The following INPP5F variants were observed in gnomAD, a reference collection of about 807,000 sequenced individuals.
The protein encoded by INPP5F is phosphatidylinositide 4-phosphatase SAC2.
Under a neutral mutation model 137.2 loss-of-function variants are expected in INPP5F, and 97 were observed. The observed-to-expected ratio is 0.71, with a 90% CI of 0.60 to 0.84. The LOEUF (loss-of-function observed/expected upper bound fraction) is 0.84, where lower values mean the gene tolerates loss of function less well. INPP5F is among the 40% of genes least tolerant of loss of function. The probability of loss-of-function intolerance (pLI) is 0.00; values close to 1 mark genes in which losing one functional copy is unlikely to be tolerated. For missense variants in INPP5F, 1,271 were observed against 1,371.9 expected (o/e 0.93, Z 1.16); for synonymous variants, 504 against 476.9 (o/e 1.06, Z -0.74).
In INPP5F at chr10:119,819,933, G is replaced by A. The variant is rs180978937; in HGVS notation, c.1887-913G>A. On this transcript the variant is annotated intron_variant, in intron 15 of 19. Coordinates refer to ENST00000650623, the MANE Select transcript of INPP5F (RefSeq NM_014937.4). Reference sequence around the variant, plus strand: ...TATTATTTTCTGCTTGTTATTAGTAGCATTTTGATAAGGTCTAGGGAATAG... The same window carrying A: ...TATTATTTTCTGCTTGTTATTAGTAACATTTTGATAAGGTCTAGGGAATAG... 29 of 156,258 alleles carry A rather than the reference G, an allele frequency of 1.9e-4. No homozygotes were observed. The South Asian group carries it at 3.7e-3, about 20-fold the overall frequency. The allele number at this position is 156,258 out of a possible 1,614,324, so 9.7% of individuals were successfully genotyped here.
intron 19 of INPP5F, among the ~76,000 whole-genome samples, chr10:119,825,001 C>A (rs1028648994): frequency 6.6e-6 from 1 of 152,180 alleles, no homozygotes; most frequent in Non-Finnish European, 1.5e-5. Context: ...CTCTGAGACT[C>A]CTGGTTCTAT....
At chr10:119,799,656 C>T (rs1404094915) in intron 9 of INPP5F, among the ~76,000 whole-genome samples, 1 of 152,152 alleles carries the variant, frequency 6.6e-6, no homozygotes, top group South Asian at 2.1e-4. Flanking sequence ...TTGGTACAGC[C>T]ATTTTGAAGG....
At chr10:119,744,334 A>AAC (rs1205821775) in intron 1 of INPP5F, among the ~76,000 whole-genome samples, 1 of 152,184 alleles carries the variant, frequency 6.6e-6, no homozygotes, top group African/African-American at 2.4e-5. Context: ...CCCTTGCTAA[A>AAC]ACAAAGACGA....
At position 119,826,770 on chromosome 10, in the gene INPP5F, A is replaced by T. The variant is rs1180368678; in HGVS notation, c.2389A>T (p.Ile797Phe). 1.2e-6 allele frequency: 2 copies of T among 1,613,868 alleles called. No homozygotes were observed. Among genetic ancestry groups the T allele is most frequent in the Non-Finnish European group, 1.7e-6 (2 of 1,179,994 alleles). The change falls in exon 20 of 20, where the codon ATT becomes TTT. Residue 797 changes from isoleucine (I) to phenylalanine (F), a missense_variant. Physicochemically the swap from Ile to Phe is conservative, Grantham distance 21 (BLOSUM62 0). Transcript: ENST00000650623. ...GAAGCAGACCAAATCCAATGTAAATATTGGCAACCTCCGAAAGCTAGGAAA... is the reference window on the plus strand; with the variant it reads ...GAAGCAGACCAAATCCAATGTAAATTTTGGCAACCTCCGAAAGCTAGGAAA... Reference protein sequence around the residue: ...KVKQTKSNVNIGNLRKLGNFT... With the variant: ...KVKQTKSNVNFGNLRKLGNFT...
chr10:119,814,845 T>C (rs1851199027), intron 15 of INPP5F, among the ~76,000 whole-genome samples: 1 of 152,106 alleles, frequency 6.6e-6, no homozygotes, highest in Non-Finnish European at 1.5e-5. Flanking sequence ...TTTAGTTGTA[T>C]GTTTGTTTCT....
intron 2 of INPP5F, among the ~76,000 whole-genome samples, chr10:119,771,128 C>T (rs1485991796): frequency 6.6e-6 from 1 of 152,166 alleles, no homozygotes; most frequent in African/African-American, 2.4e-5. Context: ...TCCTGGCAAC[C>T]ACTAACCTCA....
chr10:119,793,380 A>G (rs965353540), intron 6 of INPP5F, among the ~76,000 whole-genome samples: 4 of 151,546 alleles, frequency 2.6e-5, no homozygotes, highest in Non-Finnish European at 5.9e-5. Context: ...CTAAGATCCT[A>G]TCTGCAGGCT....
chr10:119,800,260 T>C (rs1850534388), intron 9 of INPP5F, among the ~76,000 whole-genome samples: 1 of 152,130 alleles, frequency 6.6e-6, no homozygotes, highest in African/African-American at 2.4e-5. Context: ...ATCTAGAGTA[T>C]ATTTAAAAAT....
chr10:119,780,422 C>G (rs1849663945), intron 2 of INPP5F, among the ~76,000 whole-genome samples: 1 of 151,916 alleles, frequency 6.6e-6, no homozygotes, highest in African/African-American at 2.4e-5. Context: ...AAAAAAAGTA[C>G]AAAAATTAGC....
chr10:119,805,909 G>A (rs541291596), intron 11 of INPP5F, among the ~76,000 whole-genome samples: 2 of 152,314 alleles, frequency 1.3e-5, no homozygotes, highest in East Asian at 3.9e-4. Flanking sequence ...TAGATGTTAA[G>A]ACTACACGGG....
chr10:119,738,060 T>C (rs1033872363), intron 1 of INPP5F, among the ~76,000 whole-genome samples: 1 of 152,246 alleles, frequency 6.6e-6, no homozygotes, highest in African/African-American at 2.4e-5. Flanking sequence ...TCACTTGTTT[T>C]CTGTGTACCA....
chr10:119,746,759 A>G (rs1442943734), intron 1 of INPP5F, among the ~76,000 whole-genome samples: 1 of 152,002 alleles, frequency 6.6e-6, no homozygotes, highest in Non-Finnish European at 1.5e-5. Flanking sequence ...ATCATAGAAG[A>G]TGACATGACA....
At chr10:119,818,292 C>T (rs900308169) in intron 15 of INPP5F, among the ~76,000 whole-genome samples, 2 of 152,246 alleles carry the variant, frequency 1.3e-5, no homozygotes, top group South Asian at 4.1e-4. Flanking sequence ...GGGCCCGCCT[C>T]GCCTCTCCGC....
intron 2 of INPP5F, among the ~76,000 whole-genome samples, chr10:119,770,625 A>G (rs554026340): frequency 2.8e-4 from 43 of 152,228 alleles, no homozygotes; most frequent in African/African-American, 7.2e-4. Flanking sequence ...AGAGATTGCT[A>G]TTATTTTCTG....
At chr10:119,754,336 A>G (rs577521299) in intron 2 of INPP5F, among the ~76,000 whole-genome samples, 2 of 152,324 alleles carry the variant, frequency 1.3e-5, no homozygotes, top group East Asian at 3.9e-4. Flanking sequence ...TGAGTTTACG[A>G]TACAGTCAAA....
At chr10:119,765,639 C>T (rs1191506248) in intron 2 of INPP5F, among the ~76,000 whole-genome samples, 1 of 150,386 alleles carries the variant, frequency 6.6e-6, no homozygotes, top group Non-Finnish European at 1.5e-5. Context: ...ATCTCGGCCT[C>T]CCAAAGTGCT....
chr10:119,822,568 AATT>A lies in INPP5F; in HGVS notation c.2032+68_2032+70del, dbSNP rs1279885695. Reference sequence around the variant, plus strand: ...TGCTGTTGTTTCCAAGAGGGGGTCAAATTATTTAAGCAAGAACCTGGTTTAAGT... The same window carrying A: ...TGCTGTTGTTTCCAAGAGGGGGTCAAATTTAAGCAAGAACCTGGTTTAAGT... On this transcript the variant is annotated intron_variant, in intron 17 of 19. Coordinates refer to ENST00000650623, the MANE Select transcript of INPP5F (RefSeq NM_014937.4). The A allele has an allele frequency of 1.5e-4, 106 of 722,642 alleles. 1 individual carries two copies. In the African/African-American group the frequency reaches 1.8e-3, roughly 12 times the overall value. 44.8% of individuals were successfully genotyped at this position (722,642 alleles called of 1,614,324 possible).
At chr10:119,738,951 G>A (rs1169808951) in intron 1 of INPP5F, among the ~76,000 whole-genome samples, 2 of 151,920 alleles carry the variant, frequency 1.3e-5, no homozygotes, top group African/African-American at 2.4e-5. Flanking sequence ...GGAGGCTGAC[G>A]TGGGAGGATC....
At chr10:119,797,426 A>C in intron 7 of INPP5F, 35 bp from the exon 8 acceptor site, 1 of 1,515,872 alleles carries the variant, frequency 6.6e-7, no homozygotes, top group Non-Finnish European at 9.0e-7. Context: ...AAATTTTTTA[A>C]AATGTTGCTG....
Sources: gnomAD v4.1 joint callset for allele counts (sites outside exome capture counted in the v4.1 genomes callset) on GRCh38, gnomAD v4.1.1 for gene constraint, MANE v1.5 for transcripts, NCBI Gene and HGNC (gene_info 2026-07-23, HGNC 2026-07-21) for gene names.